RABGEF1: variants seen among roughly 807,000 people sequenced by gnomAD.
RABGEF1 encodes RAB guanine nucleotide exchange factor 1.
RABGEF1 carries 26 observed loss-of-function variants against 57.3 expected under a neutral mutation model. The ratio of observed to expected loss-of-function variants is 0.45; its 90% CI spans 0.33 to 0.63. RABGEF1 has a LOEUF of 0.63. RABGEF1 is among the 20% of genes least tolerant of loss of function. The probability of loss-of-function intolerance (pLI) is 0.02; values close to 1 mark genes in which losing one functional copy is unlikely to be tolerated. For synonymous variants in RABGEF1, 185 were observed against 210.7 expected, an observed-to-expected ratio of 0.88 and a Z score of 1.06; for missense variants, 464 against 607.6, an observed-to-expected ratio of 0.76 and a Z score of 2.48.
chr7:66,744,053 T>G (rs1799622271), intron 1 of RABGEF1, among the ~76,000 whole-genome samples: 1 of 150,352 alleles, frequency 6.7e-6, no homozygotes, highest in Non-Finnish European at 1.5e-5. Flanking sequence ...TTTTTTTTTT[T>G]TTAAGACGGA....
chr7:66,770,828 T>G (rs1314463324), intron 1 of RABGEF1, among the ~76,000 whole-genome samples: 1 of 152,200 alleles, frequency 6.6e-6, no homozygotes, highest in Non-Finnish European at 1.5e-5. Flanking sequence ...GGGTGTAAAG[T>G]GATATCTCAT....
chr7:66,767,989 G>A (rs919311337), intron 1 of RABGEF1, among the ~76,000 whole-genome samples: 1 of 152,100 alleles, frequency 6.6e-6, no homozygotes, highest in Non-Finnish European at 1.5e-5. Flanking sequence ...TTGTATGGGT[G>A]CACCATAGTT....
chr7:66,757,338 A>G (rs1017427588), intron 1 of RABGEF1, among the ~76,000 whole-genome samples: 4 of 152,242 alleles, frequency 2.6e-5, no homozygotes, highest in African/African-American at 4.8e-5. Context: ...CTTATTTCAC[A>G]TAAATGTGAA....
chr7:66,724,145 C>T (rs1298061346), intron 2 of RABGEF1, among the ~76,000 whole-genome samples: 1 of 151,956 alleles, frequency 6.6e-6, no homozygotes, highest in Non-Finnish European at 1.5e-5. Flanking sequence ...AGGTTAACAG[C>T]TTTTTCCCCC....
chr7:66,716,511 G>C (rs1194495975), intron 2 of RABGEF1, among the ~76,000 whole-genome samples: 1 of 152,114 alleles, frequency 6.6e-6, no homozygotes, highest in Non-Finnish European at 1.5e-5. Flanking sequence ...TGAGGCATGA[G>C]GATCGCTTGA....
At chr7:66,746,479 CG>C (rs1429299272) in intron 1 of RABGEF1, among the ~76,000 whole-genome samples, 1 of 151,514 alleles carries the variant, frequency 6.6e-6, no homozygotes, top group Non-Finnish European at 1.5e-5. Context: ...TTAGTAGAGA[CG>C]GGGTTTCACC....
chr7:66,683,221 T>C (rs1790059801), intron 1 of RABGEF1, among the ~76,000 whole-genome samples: 1 of 152,114 alleles, frequency 6.6e-6, no homozygotes, highest in Admixed American at 6.6e-5. Flanking sequence ...TAAGCGATCC[T>C]CCCGCCTCGG....
intron 1 of RABGEF1, among the ~76,000 whole-genome samples, chr7:66,751,104 C>G (rs2129061539): frequency 6.6e-6 from 1 of 150,522 alleles, no homozygotes. Context: ...GATCTTGGCT[C>G]ACTGCAACCT....
intron 1 of RABGEF1, among the ~76,000 whole-genome samples, chr7:66,769,443 C>T (rs185738747): frequency 1.6e-4 from 25 of 152,306 alleles, no homozygotes; most frequent in African/African-American, 5.1e-4. Context: ...ATTGAGATTG[C>T]GCTCAAACAT....
chr7:66,790,965 C>T (rs1220521148), intron 4 of RABGEF1, among the ~76,000 whole-genome samples: 1 of 152,168 alleles, frequency 6.6e-6, no homozygotes, highest in African/African-American at 2.4e-5. Context: ...GCAATCTGGA[C>T]CCTTCTGTCT....
chr7:66,685,550 T>G (rs1790493368), intron 1 of RABGEF1, among the ~76,000 whole-genome samples: 1 of 152,238 alleles, frequency 6.6e-6, no homozygotes, highest in Non-Finnish European at 1.5e-5. Context: ...TGTTTCTTTC[T>G]GTAAGGATGT....
chr7:66,686,467 G>A (rs1177038220), intron 1 of RABGEF1, among the ~76,000 whole-genome samples: 4 of 152,100 alleles, frequency 2.6e-5, no homozygotes, highest in Non-Finnish European at 5.9e-5. Context: ...GTGATACCCT[G>A]TCTCCATAAA....
chr7:66,676,266 G>C, the RABGEF1 span, among the ~76,000 whole-genome samples: 1 of 151,838 alleles, frequency 6.6e-6, no homozygotes, highest in Non-Finnish European at 1.5e-5. Context: ...CTGGGTGACA[G>C]AGCGAGACTT....
the RABGEF1 span, among the ~76,000 whole-genome samples, chr7:66,658,308 G>A: frequency 7.2e-5 from 11 of 152,092 alleles, no homozygotes; most frequent in South Asian, 6.2e-4. Flanking sequence ...CAAGGTAGGC[G>A]GATCACCTGA....
At chr7:66,685,153 C>CTTTTT (rs545055892) in intron 1 of RABGEF1, among the ~76,000 whole-genome samples, 21 of 101,100 alleles carry the variant, frequency 2.1e-4, no homozygotes, top group Admixed American at 3.7e-4. Flanking sequence ...GGATTATTTG[C>CTTTTT]TTTTTTTTTT....
chr7:66,665,348 T>G, the RABGEF1 span: 2 of 152,074 alleles, frequency 1.3e-5, no homozygotes, highest in Non-Finnish European at 2.9e-5. Context: ...CTCCCTATGT[T>G]GCCCAAGCTG....
chr7:66,656,277 C>T, the RABGEF1 span, among the ~76,000 whole-genome samples: 2 of 152,024 alleles, frequency 1.3e-5, 1 homozygote, highest in Non-Finnish European at 2.9e-5. Context: ...CCACCACACC[C>T]AGCTGATTTT....
intron 1 of RABGEF1, among the ~76,000 whole-genome samples, chr7:66,693,117 A>G (rs1446092776): frequency 2.0e-5 from 3 of 152,124 alleles, no homozygotes; most frequent in East Asian, 1.9e-4. Context: ...GGGCTTCTTC[A>G]TGGACAGAGC....
intron 7 of RABGEF1, among the ~76,000 whole-genome samples, chr7:66,801,903 G>A (rs185724438): frequency 1.3e-5 from 2 of 151,760 alleles, no homozygotes; most frequent in African/African-American, 2.4e-5. Context: ...TATTTATTTA[G>A]TTAGTTAGTT....
Sources: allele counts gnomAD v4.1 joint callset (sites outside exome capture counted in the v4.1 genomes callset), GRCh38; gene constraint gnomAD v4.1.1; transcripts MANE v1.5; gene names NCBI Gene and HGNC (gene_info 2026-07-23, HGNC 2026-07-21).